Variants in TEX11 observed in about 807,000 individuals in gnomAD.
TEX11 encodes the protein testis expressed 11.
TEX11 carries 7 observed loss-of-function variants against 84.4 expected under a neutral mutation model. That is an observed-to-expected ratio of 0.08 (90% CI 0.05 to 0.16). The LOEUF (loss-of-function observed/expected upper bound fraction) is 0.16. Among genes scored for constraint, TEX11 ranks in the 10% least tolerant of loss-of-function variants. The pLI, the probability that TEX11 is intolerant of heterozygous loss-of-function variation, is 1.00. For synonymous variants in TEX11, 264 were observed against 222.8 expected, an observed-to-expected ratio of 1.18 and a Z score of -1.64; for missense variants, 551 against 660.5, an observed-to-expected ratio of 0.83 and a Z score of 1.82.
At chrX:70,684,446 C>T (rs1211912710) in intron 13 of TEX11, among the ~76,000 whole-genome samples, 1 of 111,040 alleles carries the variant, frequency 9.0e-6, no homozygotes, top group South Asian at 3.9e-4. Context: ...ATTAACTGGG[C>T]ATGGTGGTGC....
chrX:70,566,007 T>G (rs2088468191), intron 25 of TEX11, among the ~76,000 whole-genome samples: 1 of 110,140 alleles, frequency 9.1e-6, no homozygotes, highest in African/African-American at 3.3e-5. Flanking sequence ...TATGGCCATT[T>G]TCACGATATT....
the TEX11 span, among the ~76,000 whole-genome samples, chrX:70,523,680 G>GGTCT: frequency 9.2e-6 from 1 of 109,241 alleles, no homozygotes; most frequent in Non-Finnish European, 1.9e-5. Context: ...TAGCCAGGAT[G>GGTCT]GTCTTGATCT....
At chrX:70,689,508 G>T (rs746259425) in intron 13 of TEX11, among the ~76,000 whole-genome samples, 1 of 111,469 alleles carries the variant, frequency 9.0e-6, no homozygotes, top group African/African-American at 3.3e-5. Context: ...ATTCTGTGTT[G>T]TCAGAAAGAA....
chrX:70,599,414 C>T (rs73542416), intron 24 of TEX11, among the ~76,000 whole-genome samples: 9,240 of 111,677 alleles, frequency 0.083, 848 homozygotes, highest in African/African-American at 0.26. Context: ...TAAAACTATG[C>T]AGTCCATCTA....
the TEX11 span, among the ~76,000 whole-genome samples, chrX:70,515,274 C>G: frequency 1.9e-5 from 2 of 107,420 alleles, no homozygotes; most frequent in East Asian, 2.9e-4. Flanking sequence ...CTCCACCCCC[C>G]CCCACCCCAC....
At chrX:70,667,434 C>G (rs1326248460) in intron 16 of TEX11, among the ~76,000 whole-genome samples, 1 of 111,967 alleles carries the variant, frequency 8.9e-6, no homozygotes, top group Non-Finnish European at 1.9e-5. Flanking sequence ...TTGTTCATTA[C>G]TATATCCCCA....
intron 9 of TEX11, among the ~76,000 whole-genome samples, chrX:70,781,579 G>T (rs2147786006): frequency 9.0e-6 from 1 of 111,622 alleles, no homozygotes; most frequent in South Asian, 3.8e-4. Context: ...AAAAAGGTTA[G>T]TCGGATGGCT....
At chrX:70,603,522 C>G (rs1234654372) in intron 24 of TEX11, among the ~76,000 whole-genome samples, 2 of 106,664 alleles carry the variant, frequency 1.9e-5, no homozygotes, top group Non-Finnish European at 3.9e-5. Context: ...GAAACTGGAT[C>G]CCTTCCTTAC....
At chrX:70,524,917 C>T (rs1002125018), downstream of TEX11, among the ~76,000 whole-genome samples, 1 of 112,255 alleles carries the variant, frequency 8.9e-6, no homozygotes, top group Non-Finnish European at 1.9e-5. Flanking sequence ...CTCATGCCTG[C>T]AATCCTAACA....
intron 24 of TEX11, among the ~76,000 whole-genome samples, chrX:70,597,696 T>C (rs904116887): frequency 8.9e-6 from 1 of 111,752 alleles, no homozygotes; most frequent in African/African-American, 3.3e-5. Context: ...TAAACCTTCA[T>C]GACTTTGGAT....
chrX:70,576,414 A>C (rs948334010), intron 25 of TEX11, among the ~76,000 whole-genome samples: 1 of 112,326 alleles, frequency 8.9e-6, no homozygotes, highest in East Asian at 2.8e-4. Context: ...AACCTTTAAC[A>C]AGTCAGAATA....
intron 17 of TEX11, among the ~76,000 whole-genome samples, chrX:70,638,279 T>C (rs1371833035): frequency 2.7e-5 from 3 of 111,016 alleles, no homozygotes; most frequent in Non-Finnish European, 5.7e-5. Context: ...GGAGTTCCAA[T>C]AAAGCTAGCA....
At chrX:70,615,013 A>C (rs930403173) in intron 20 of TEX11, among the ~76,000 whole-genome samples, 2 of 111,301 alleles carry the variant, frequency 1.8e-5, no homozygotes, top group African/African-American at 6.5e-5. Context: ...CCTAATGCAG[A>C]TACAGCTTAG....
At chrX:70,530,775 C>T (rs376603886) in intron 28 of TEX11, among the ~76,000 whole-genome samples, 2 of 111,814 alleles carry the variant, frequency 1.8e-5, no homozygotes, top group South Asian at 7.5e-4. Context: ...AATTACTATA[C>T]ATAAAACACT....
Position 70,864,199 on chromosome X carries a change from G to GCAAGC in TEX11, c.245-3268_245-3264dup, listed in dbSNP as rs201669745. Among the ~76,000 whole-genome samples, 888 of 111,332 alleles carry GCAAGC rather than the reference G, an allele frequency of 8.0e-3. 35 individuals are homozygous for GCAAGC. The East Asian group carries it at 0.13, about 16-fold the overall frequency. The stretch of plus-strand genomic sequence containing the variant: ...AGGAGAACTTCCCCAACCTGGCAAG[G>GCAAGC]CAAGCCAACATTCAACTTCAGGAAA... On this transcript the variant is annotated intron_variant, in intron 4 of 29. Transcript: ENST00000374333.
chrX:70,643,704 A>T (rs1162506044), intron 17 of TEX11, among the ~76,000 whole-genome samples: 8 of 103,791 alleles, frequency 7.7e-5, no homozygotes, highest in Non-Finnish European at 1.4e-4. Context: ...GTGCTGGGAA[A>T]ACTGGCTAGC....
chrX:70,547,262 A>G (rs1387718027), intron 28 of TEX11, among the ~76,000 whole-genome samples: 1 of 110,603 alleles, frequency 9.0e-6, no homozygotes, highest in Non-Finnish European at 1.9e-5. Context: ...GCAAGGGGAA[A>G]ATTTCTAGGG....
chrX:70,867,041 A>G (rs1195725289), intron 4 of TEX11, among the ~76,000 whole-genome samples: 2 of 111,878 alleles, frequency 1.8e-5, no homozygotes, highest in Admixed American at 9.6e-5. Context: ...GGCAAGAGAA[A>G]GAAATAAAGC....
chrX:70,781,968 C>G (rs1229161030), intron 9 of TEX11, among the ~76,000 whole-genome samples: 1 of 110,887 alleles, frequency 9.0e-6, no homozygotes, highest in Non-Finnish European at 1.9e-5. Context: ...ATACAGAGAA[C>G]ACCACAAAGA....
Sources: allele counts gnomAD v4.1 joint callset (sites outside exome capture counted in the v4.1 genomes callset), GRCh38; gene constraint gnomAD v4.1.1; transcripts MANE v1.5; gene names NCBI Gene and HGNC (gene_info 2026-07-23, HGNC 2026-07-21).